Variants in ASAP1 observed in about 807,000 individuals in gnomAD.
ASAP1 encodes the protein arf-GAP with SH3 domain, ANK repeat and PH domain-containing protein 1.
A neutral mutation model predicts 145.2 loss-of-function variants in ASAP1; 43 were observed. That is an observed-to-expected ratio of 0.30 (90% confidence interval 0.23 to 0.38). The LOEUF (loss-of-function observed/expected upper bound fraction) is 0.38, where lower values mean the gene tolerates loss of function less well. Ranked by LOEUF, ASAP1 falls within the 10% of genes least tolerant of loss-of-function variation. The pLI, the probability that ASAP1 is intolerant of heterozygous loss-of-function variation, is 1.00. For synonymous variants in ASAP1, 546 were observed against 515.5 expected (o/e 1.06, Z -0.80); for missense variants, 1,018 against 1,355.3 (o/e 0.75, Z 3.91).
chr8:130,076,849 A>C (rs763724565), intron 26 of ASAP1, among the ~76,000 whole-genome samples: 2 of 152,146 alleles, frequency 1.3e-5, no homozygotes, highest in African/African-American at 4.8e-5. Context: ...AGATTAGTCT[A>C]TTTTCCATAT....
chr8:130,072,572 C>T (rs1025513267), intron 27 of ASAP1, among the ~76,000 whole-genome samples: 1 of 56,290 alleles, frequency 1.8e-5, no homozygotes, highest in Non-Finnish European at 4.6e-5. Flanking sequence ...TTATCAGCAG[C>T]GTGAAAACGG....
At chr8:130,345,130 T>C (rs1453138412) in intron 3 of ASAP1, among the ~76,000 whole-genome samples, 1 of 152,164 alleles carries the variant, frequency 6.6e-6, no homozygotes, top group African/African-American at 2.4e-5. Context: ...AGTGGCTTTG[T>C]TGCCTAACAA....
At chr8:130,222,903 T>G (rs1817378006) in intron 4 of ASAP1, among the ~76,000 whole-genome samples, 1 of 152,172 alleles carries the variant, frequency 6.6e-6, no homozygotes, top group Non-Finnish European at 1.5e-5. Context: ...TGCAGGAGCC[T>G]CTAGAAGTCT....
chr8:130,212,027 G>C (rs572548132), intron 5 of ASAP1, among the ~76,000 whole-genome samples: 3 of 152,284 alleles, frequency 2.0e-5, no homozygotes, highest in South Asian at 4.1e-4. Context: ...CCCTCGGGGT[G>C]AGTTGGCTTT....
intron 3 of ASAP1, among the ~76,000 whole-genome samples, chr8:130,270,811 C>T (rs1158770045): frequency 2.0e-5 from 3 of 152,200 alleles, no homozygotes; most frequent in Admixed American, 6.5e-5. Context: ...TTTCTCTCTA[C>T]CTTTAAAAGC....
At chr8:130,068,475 A>G (rs1316821913) in intron 27 of ASAP1, among the ~76,000 whole-genome samples, 1 of 152,250 alleles carries the variant, frequency 6.6e-6, no homozygotes, top group Admixed American at 6.5e-5. Flanking sequence ...GTAGATCAGT[A>G]TCATCAGCTT....
intron 3 of ASAP1, among the ~76,000 whole-genome samples, chr8:130,347,190 T>C (rs1417462423): frequency 6.6e-6 from 1 of 152,204 alleles, no homozygotes; most frequent in Non-Finnish European, 1.5e-5. Flanking sequence ...TGCCATCACT[T>C]TGGATTTAGT....
chr8:130,055,158 A>G (rs2097400990), intron 29 of ASAP1, among the ~76,000 whole-genome samples: 1 of 152,174 alleles, frequency 6.6e-6, no homozygotes, highest in African/African-American at 2.4e-5. Context: ...GTGGGGCTCT[A>G]GAGTCCTTGC....
chr8:130,109,767 T>C (rs963955110), intron 24 of ASAP1, among the ~76,000 whole-genome samples: 2 of 152,192 alleles, frequency 1.3e-5, no homozygotes, highest in African/African-American at 4.8e-5. Context: ...GTTTTCCAAA[T>C]GTAAGCGCAT....
rs372372205 is a variant in ASAP1 at position 130,340,948 on chromosome 8, TTTTTTG to T, written c.186+17063_186+17068del. 816 of 447,086 alleles carry T rather than the reference TTTTTTG, an allele frequency of 1.8e-3. 6 individuals carry two copies. The highest frequency in any genetic ancestry group is 5.9e-3 in the Middle Eastern group (18 of 3,040). The allele number at this position is 447,086 out of a possible 1,614,324, so 27.7% of individuals were successfully genotyped here. A position where few individuals can be genotyped will look rare whatever the true frequency, so the allele number is the denominator to read the frequency against. On this transcript the variant is annotated intron_variant, in intron 3 of 29. Transcript: ENST00000518721. ...TTCAAGGGAATAAAATACTAGGTTTTTTTTTGTTTTTGTTTTTGTTTTTGTTTTTGT... is the reference window on the plus strand; with the variant it reads ...TTCAAGGGAATAAAATACTAGGTTTTTTTTTGTTTTTGTTTTTGTTTTTGT...
intron 25 of ASAP1, among the ~76,000 whole-genome samples, chr8:130,090,379 G>A (rs1192748367): frequency 6.6e-6 from 1 of 152,182 alleles, no homozygotes; most frequent in African/African-American, 2.4e-5. Flanking sequence ...GTTATTTGGG[G>A]GAAAGGCCTT....
At chr8:130,111,079 G>A (rs2097545901) in intron 24 of ASAP1, among the ~76,000 whole-genome samples, 1 of 151,980 alleles carries the variant, frequency 6.6e-6, no homozygotes, top group South Asian at 2.1e-4. Context: ...CCTCCTATGA[G>A]CGGGATTCCT....
At chr8:130,395,807 C>T (rs549332690) in intron 2 of ASAP1, among the ~76,000 whole-genome samples, 1 of 151,806 alleles carries the variant, frequency 6.6e-6, no homozygotes, top group East Asian at 1.9e-4. Context: ...GCTGGGATTA[C>T]AGGCACCCGC....
intron 15 of ASAP1, among the ~76,000 whole-genome samples, chr8:130,132,174 CCT>C (rs1484550539): frequency 6.6e-6 from 1 of 152,118 alleles, no homozygotes; most frequent in Non-Finnish European, 1.5e-5. Context: ...GCACATTGTG[CCT>C]CTGTTTCCTC....
intron 3 of ASAP1, among the ~76,000 whole-genome samples, chr8:130,268,167 T>A (rs190827795): frequency 3.2e-4 from 48 of 152,226 alleles, no homozygotes; most frequent in Non-Finnish European, 5.7e-4. Context: ...CTCTATATGA[T>A]GATATTATTA....
At chr8:130,227,656 T>C (rs183992642) in intron 4 of ASAP1, among the ~76,000 whole-genome samples, 309 of 149,404 alleles carry the variant, frequency 2.1e-3, no homozygotes, top group African/African-American at 7.4e-3. Flanking sequence ...TTATAAATTA[T>C]TATATATATT....
intron 27 of ASAP1, among the ~76,000 whole-genome samples, chr8:130,070,195 C>A (rs1325702695): frequency 4.7e-4 from 72 of 152,160 alleles, no homozygotes; most frequent in Non-Finnish European, 1.5e-4. Flanking sequence ...CGTCACCATG[C>A]CCGGCTAATT....
At chr8:130,306,801 TC>T (rs1232481921) in intron 3 of ASAP1, among the ~76,000 whole-genome samples, 1 of 152,208 alleles carries the variant, frequency 6.6e-6, no homozygotes, top group African/African-American at 2.4e-5. Context: ...GTATTTGTAT[TC>T]CCCATCTCTC....
At chr8:130,220,379 TACTA>T (rs778534501) in intron 4 of ASAP1, among the ~76,000 whole-genome samples, 8 of 152,234 alleles carry the variant, frequency 5.3e-5, no homozygotes, top group African/African-American at 1.9e-4. Context: ...CATTCACTCT[TACTA>T]ACAGTCCATG....
Sources: gnomAD v4.1 joint callset for allele counts (sites outside exome capture counted in the v4.1 genomes callset) on GRCh38, gnomAD v4.1.1 for gene constraint, MANE v1.5 for transcripts, NCBI Gene and HGNC (gene_info 2026-07-23, HGNC 2026-07-21) for gene names.